The following ARHGAP15 variants were observed in gnomAD, a reference collection of about 807,000 sequenced individuals.
ARHGAP15 encodes rho GTPase-activating protein 15.
A neutral mutation model predicts 63.7 loss-of-function variants in ARHGAP15; 51 were observed. The ratio of observed to expected loss-of-function variants is 0.80; its 90% CI spans 0.64 to 1.01. The LOEUF (loss-of-function observed/expected upper bound fraction) is 1.01. Among genes scored for constraint, ARHGAP15 ranks in the 50% least tolerant of loss-of-function variants. ARHGAP15 has a pLI of 0.00. For missense variants in ARHGAP15, 560 were observed against 564.6 expected (o/e 0.99, Z 0.08); for synonymous variants, 191 against 193.8 (o/e 0.99, Z 0.12).
At chr2:143,434,747 C>T (rs1214431129) in intron 6 of ARHGAP15, among the ~76,000 whole-genome samples, 1 of 152,096 alleles carries the variant, frequency 6.6e-6, no homozygotes, top group African/African-American at 2.4e-5. Flanking sequence ...AGATTGATGG[C>T]CAAATACAAA....
intron 6 of ARHGAP15, among the ~76,000 whole-genome samples, chr2:143,373,504 C>G (rs1320106179): frequency 1.3e-5 from 2 of 151,656 alleles, no homozygotes; most frequent in African/African-American, 2.4e-5. Context: ...GTGGAGGGTG[C>G]CTGTAGTCCC....
chr2:143,315,866 C>G (rs1297613855), intron 6 of ARHGAP15, among the ~76,000 whole-genome samples: 1 of 143,248 alleles, frequency 7.0e-6, no homozygotes, highest in African/African-American at 3.0e-5. Flanking sequence ...GGGTGGATCA[C>G]CTGAAGTCAG....
intron 10 of ARHGAP15, among the ~76,000 whole-genome samples, chr2:143,555,786 A>G (rs1695761960): frequency 6.6e-6 from 1 of 152,092 alleles, no homozygotes; most frequent in Admixed American, 6.6e-5. Context: ...CATTATATCT[A>G]GAATAGAATT....
chr2:143,376,384 A>G (rs1686807547), intron 6 of ARHGAP15, among the ~76,000 whole-genome samples: 1 of 152,192 alleles, frequency 6.6e-6, no homozygotes, highest in Non-Finnish European at 1.5e-5. Context: ...AACAATGTTC[A>G]AGTATTAACA....
chr2:143,207,338 G>C (rs1465721455), intron 3 of ARHGAP15, among the ~76,000 whole-genome samples: 2 of 151,998 alleles, frequency 1.3e-5, no homozygotes, highest in African/African-American at 4.8e-5. Flanking sequence ...CCTTGGAAAA[G>C]TAACATCGAG....
chr2:143,700,621 A>C (rs944984181), intron 12 of ARHGAP15, among the ~76,000 whole-genome samples: 3 of 152,142 alleles, frequency 2.0e-5, no homozygotes, highest in African/African-American at 7.2e-5. Flanking sequence ...TCCTCAGGTA[A>C]ACTGTACTGG....
chr2:143,252,765 A>C, intron 6 of ARHGAP15, among the ~76,000 whole-genome samples: 1 of 152,044 alleles, frequency 6.6e-6, no homozygotes, highest in East Asian at 1.9e-4. Context: ...GCCTTTTGAG[A>C]GGAACAATAT....
At chr2:143,137,745 A>T (rs1689204782) in intron 1 of ARHGAP15, among the ~76,000 whole-genome samples, 1 of 152,088 alleles carries the variant, frequency 6.6e-6, no homozygotes, top group Non-Finnish European at 1.5e-5. Context: ...ACATCTCTTT[A>T]AAAGAGCTAT....
chr2:143,233,560 T>C (rs1693528375), intron 5 of ARHGAP15, among the ~76,000 whole-genome samples: 1 of 152,074 alleles, frequency 6.6e-6, no homozygotes, highest in Non-Finnish European at 1.5e-5. Flanking sequence ...GTCAGTTTCT[T>C]TTTATTTTTC....
intron 13 of ARHGAP15, among the ~76,000 whole-genome samples, chr2:143,721,722 T>C (rs1685067384): frequency 6.6e-6 from 1 of 152,152 alleles, no homozygotes; most frequent in Non-Finnish European, 1.5e-5. Flanking sequence ...AGTCTTGCTC[T>C]GTCGCCTAGG....
intron 10 of ARHGAP15, among the ~76,000 whole-genome samples, chr2:143,537,285 G>C (rs893419341): frequency 3.3e-5 from 5 of 152,064 alleles, no homozygotes; most frequent in African/African-American, 9.7e-5. Context: ...TTAGCCCTTT[G>C]TCAGATGAGT....
At chr2:143,529,234 T>C (rs994835104) in intron 10 of ARHGAP15, among the ~76,000 whole-genome samples, 1 of 152,094 alleles carries the variant, frequency 6.6e-6, no homozygotes, top group Admixed American at 6.6e-5. Flanking sequence ...GAAAGAAATA[T>C]GTTAGACATC....
intron 6 of ARHGAP15, among the ~76,000 whole-genome samples, chr2:143,264,371 A>G (rs1368284067): frequency 6.6e-6 from 1 of 152,034 alleles, no homozygotes; most frequent in Admixed American, 6.6e-5. Context: ...CCAGAACCTT[A>G]AAGACTTTCA....
At chr2:143,760,641 C>G (rs115289634) in intron 13 of ARHGAP15, among the ~76,000 whole-genome samples, 2,819 of 152,136 alleles carry the variant, frequency 0.019, 92 homozygotes, top group African/African-American at 0.064. Context: ...GAAATTCATG[C>G]AGAGGTTCAA....
In ARHGAP15 at chr2:143,639,884, G is replaced by A. The variant is rs184742653; in HGVS notation, c.1138+15617G>A. ...TTCCACTTTTTAAAAAATGTTTAACGTCTTTGTTAAAACACAGCAAACTTA... is the reference window on the plus strand; with the variant it reads ...TTCCACTTTTTAAAAAATGTTTAACATCTTTGTTAAAACACAGCAAACTTA... On this transcript the variant is annotated intron_variant, in intron 12 of 13. Transcript: ENST00000295095. 6.6e-5 allele frequency among the ~76,000 whole-genome samples: 10 copies of A among 152,098 alleles called. No individual in the cohort carries two copies. The East Asian group carries it at 1.4e-3, about 21-fold the overall frequency.
intron 13 of ARHGAP15, among the ~76,000 whole-genome samples, chr2:143,707,633 C>T (rs539830337): frequency 6.6e-6 from 1 of 152,228 alleles, no homozygotes; most frequent in East Asian, 1.9e-4. Context: ...TAAAACCAGT[C>T]ACATAGAGGT....
chr2:143,548,847 A>G (rs1695440090), intron 10 of ARHGAP15, among the ~76,000 whole-genome samples: 1 of 152,112 alleles, frequency 6.6e-6, no homozygotes, highest in African/African-American at 2.4e-5. Flanking sequence ...TGAGGAAGGT[A>G]GAACAAAAAA....
intron 8 of ARHGAP15, among the ~76,000 whole-genome samples, chr2:143,486,139 A>G (rs181561237): frequency 5.3e-5 from 8 of 152,282 alleles, no homozygotes; most frequent in Non-Finnish European, 4.4e-5. Flanking sequence ...AAGCATATCT[A>G]TATTTATTAA....
At chr2:143,720,383 C>T (rs186550157) in intron 13 of ARHGAP15, among the ~76,000 whole-genome samples, 34 of 152,234 alleles carry the variant, frequency 2.2e-4, no homozygotes, top group African/African-American at 8.2e-4. Context: ...AAAAGCACCA[C>T]GGGAACTTTA....
Sources: gnomAD v4.1 joint callset for allele counts (sites outside exome capture counted in the v4.1 genomes callset) on GRCh38, gnomAD v4.1.1 for gene constraint, MANE v1.5 for transcripts, NCBI Gene and HGNC (gene_info 2026-07-23, HGNC 2026-07-21) for gene names.